Variants in DSTN observed in about 807,000 individuals in gnomAD.
DSTN encodes the protein destrin.
DSTN carries 10 observed loss-of-function variants against 16.8 expected under a neutral mutation model. The observed-to-expected ratio is 0.60, with a 90% CI of 0.37 to 1.01. The LOEUF is 1.01. DSTN is among the 50% of genes least tolerant of loss of function. DSTN has a pLI of 0.01. For synonymous variants in DSTN, 57 were observed against 58.9 expected (o/e 0.97, Z 0.14); for missense variants, 141 against 196.7 (o/e 0.72, Z 1.69).
At chr20:17,577,263 A>G (rs966300352) in intron 1 of DSTN, among the ~76,000 whole-genome samples, 57 of 152,366 alleles carry the variant, frequency 3.7e-4, no homozygotes, top group Middle Eastern at 3.4e-3. Flanking sequence ...AAAGCACAGC[A>G]CAGGCAAATA....
chr20:17,583,172 A>G (rs758163063), intron 1 of DSTN, among the ~76,000 whole-genome samples: 6 of 152,252 alleles, frequency 3.9e-5, no homozygotes, highest in African/African-American at 1.4e-4. Context: ...TAAGACAGCT[A>G]TAATGAAAAG....
intron 1 of DSTN, among the ~76,000 whole-genome samples, chr20:17,574,849 C>CTTTTTT (rs1478575834): frequency 1.3e-5 from 1 of 76,072 alleles, no homozygotes. Flanking sequence ...TCTTTCTTTT[C>CTTTTTT]TTTTTCTTTT....
intron 1 of DSTN, among the ~76,000 whole-genome samples, chr20:17,578,686 C>T (rs2035307921): frequency 6.6e-6 from 1 of 152,214 alleles, no homozygotes; most frequent in South Asian, 2.1e-4. Flanking sequence ...AGTGGCCGGG[C>T]GTGGTGGCTC....
chr20:17,585,626 C>CAT (rs1264930298), intron 1 of DSTN, among the ~76,000 whole-genome samples: 3 of 152,068 alleles, frequency 2.0e-5, no homozygotes, highest in South Asian at 4.1e-4. Flanking sequence ...AGTTTTGACA[C>CAT]ATATATATGT....
At chr20:17,588,853 C>T (rs1568734910) in intron 1 of DSTN, among the ~76,000 whole-genome samples, 2 of 152,076 alleles carry the variant, frequency 1.3e-5, no homozygotes, top group African/African-American at 2.4e-5. Context: ...AACAGTGGGA[C>T]AAAGGATTTA....
At chr20:17,580,808 G>A (rs889366954) in intron 1 of DSTN, among the ~76,000 whole-genome samples, 3 of 152,016 alleles carry the variant, frequency 2.0e-5, no homozygotes, top group African/African-American at 7.3e-5. Context: ...AGAATTTAGA[G>A]AAGGCCTCTT....
rs567056693 is a variant in DSTN at position 17,589,496 on chromosome 20, C to T, written c.4-11242C>T. On this transcript the variant is annotated intron_variant, in intron 1 of 3. Transcript: ENST00000246069. ...TTGGGATTACAGGCGTGAGCCGCAG[C>T]GCCCAGCCAAGTTCCGCATCTTAAT... Among the ~76,000 whole-genome samples, 4 of 152,342 alleles carry T rather than the reference C, an allele frequency of 2.6e-5. No homozygotes were observed. The East Asian group carries it at 7.7e-4, about 29-fold the overall frequency.
At chr20:17,575,507 A>G (rs961150293) in intron 1 of DSTN, among the ~76,000 whole-genome samples, 1 of 150,446 alleles carries the variant, frequency 6.6e-6, no homozygotes, top group Non-Finnish European at 1.5e-5. Context: ...CTGTTAACCT[A>G]GGCTGGAGTG....
At chr20:17,589,126 A>G (rs2035443258) in intron 1 of DSTN, among the ~76,000 whole-genome samples, 1 of 151,562 alleles carries the variant, frequency 6.6e-6, no homozygotes, top group South Asian at 2.1e-4. Flanking sequence ...TGGTGGACTT[A>G]TGTTCTTTTT....
chr20:17,570,136 G>C lies in DSTN; in HGVS notation c.-73G>C, dbSNP rs906584103. 6.6e-7 allele frequency: 1 copy of C among 1,511,298 alleles called. No individual in the cohort carries two copies. Among genetic ancestry groups the C allele is most frequent in the African/African-American group, 1.4e-5 (1 of 69,130 alleles). 93.6% of individuals were successfully genotyped at this position (1,511,298 alleles called of 1,614,324 possible). ...CGCTGGGTCTCTCGGTCCCGCAGCC[G>C]TGAGGAGGACGGTCTGCATACTCGC... On this transcript the variant is annotated 5_prime_UTR_variant, in exon 1 of 4. Coordinates refer to ENST00000246069, the MANE Select transcript of DSTN (RefSeq NM_006870.4).
intron 1 of DSTN, chr20:17,599,946 A>G (rs957516744): frequency 2.2e-4 from 34 of 152,260 alleles, no homozygotes; most frequent in African/African-American, 8.0e-4. Flanking sequence ...GGCATTAACA[A>G]TTATGGATAT....
intron 1 of DSTN, among the ~76,000 whole-genome samples, chr20:17,586,786 T>C (rs2035414386): frequency 6.6e-6 from 1 of 152,200 alleles, no homozygotes; most frequent in African/African-American, 2.4e-5. Flanking sequence ...GCTTAGTGCA[T>C]GGAAGGCCTT....
In DSTN at chr20:17,578,163, C is replaced by A. The variant is rs11906710; in HGVS notation, c.3+7952C>A. On this transcript the variant is annotated intron_variant, in intron 1 of 3. Coordinates refer to ENST00000246069, the MANE Select transcript of DSTN (RefSeq NM_006870.4). ...CGATGCTGAGATAGCATATGAATTT[C>A]TTTATAGGACTTAAGATGTTTTATG... Among the ~76,000 whole-genome samples the A allele has an allele frequency of 4.0e-3, 616 of 152,286 alleles. 6 individuals carry two copies. Among genetic ancestry groups the A allele is most frequent in the African/African-American group, 0.014 (595 of 41,562 alleles).
intron 2 of DSTN, 27 bp from the exon 3 acceptor site, chr20:17,604,528 T>G: frequency 6.3e-7 from 1 of 1,599,450 alleles, no homozygotes; most frequent in Non-Finnish European, 8.5e-7. Flanking sequence ...AAACCACTTT[T>G]TTCATTTTTG....
At chr20:17,596,343 C>A (rs918496933) in intron 1 of DSTN, among the ~76,000 whole-genome samples, 2 of 152,198 alleles carry the variant, frequency 1.3e-5, no homozygotes, top group Non-Finnish European at 2.9e-5. Flanking sequence ...GTGAAGCCTT[C>A]CAACGAGATC....
intron 3 of DSTN, among the ~76,000 whole-genome samples, chr20:17,606,097 A>C (rs2035640005): frequency 6.6e-6 from 1 of 151,808 alleles, no homozygotes; most frequent in South Asian, 2.1e-4. Flanking sequence ...AATAAGAGCA[A>C]AACTCTGTCT....
At chr20:17,607,007 G>T (rs1053579504) in intron 3 of DSTN, 30 bp from the exon 4 acceptor site, 1 of 1,606,280 alleles carries the variant, frequency 6.2e-7, no homozygotes, top group African/African-American at 1.3e-5. Flanking sequence ...TGCCATAATT[G>T]TAAATAGAAG....
intron 1 of DSTN, among the ~76,000 whole-genome samples, chr20:17,599,984 C>G (rs2035569066): frequency 6.6e-6 from 1 of 152,144 alleles, no homozygotes; most frequent in Non-Finnish European, 1.5e-5. Flanking sequence ...TAGCACATTC[C>G]TCAAGATGAA....
intron 1 of DSTN, among the ~76,000 whole-genome samples, chr20:17,589,219 CT>C (rs1025807635): frequency 3.5e-4 from 51 of 146,290 alleles, no homozygotes; most frequent in Admixed American, 3.4e-4. Context: ...CCTCCCCCTA[CT>C]TTTTTTTTTT....
Sources: gnomAD v4.1 joint callset for allele counts (sites outside exome capture counted in the v4.1 genomes callset) on GRCh38, gnomAD v4.1.1 for gene constraint, MANE v1.5 for transcripts, NCBI Gene and HGNC (gene_info 2026-07-23, HGNC 2026-07-21) for gene names.